Variants in PDHX observed in about 807,000 individuals in gnomAD.
PDHX encodes the protein pyruvate dehydrogenase protein X component, mitochondrial.
Under a neutral mutation model 55.3 loss-of-function variants are expected in PDHX, and 33 were observed. That is an observed-to-expected ratio of 0.60 (90% CI 0.45 to 0.80). The LOEUF is 0.80. PDHX is among the 30% of genes least tolerant of loss of function. PDHX has a pLI of 0.00. For synonymous variants in PDHX, 226 were observed against 219.4 expected (o/e 1.03, Z -0.27); for missense variants, 622 against 619.9 (o/e 1.00, Z -0.04).
chr11:34,967,326 AT>A (rs1478240932), intron 6 of PDHX, among the ~76,000 whole-genome samples: 1 of 152,206 alleles, frequency 6.6e-6, no homozygotes, highest in African/African-American at 2.4e-5. Context: ...AGAAACCAAA[AT>A]TTGTTTGTGT....
rs747470313 is a variant in PDHX at position 34,957,431 on chromosome 11, G to A, written c.390G>A (p.Leu130=). The change falls in exon 4 of 11, where the codon TTG becomes TTA. Residue 130 remains leucine (L), a synonymous_variant. Coordinates refer to ENST00000227868, the MANE Select transcript of PDHX (RefSeq NM_003477.3). The part of the protein sequence containing the change: ...KNIRLGSLIG[L]IVEEGEDWKH... ...TACGGCTAGGTTCACTAATTGGTTT[G>A]ATAGTAGAAGAAGGAGAAGATTGGA... is the stretch of plus-strand genomic sequence containing the variant. 6.2e-7 allele frequency: 1 copy of A among 1,613,396 alleles called. No individual in the cohort carries two copies. The highest frequency in any genetic ancestry group is 8.5e-7 in the Non-Finnish European group (1 of 1,179,400).
chr11:34,925,808 G>T (rs1335542544), intron 1 of PDHX, among the ~76,000 whole-genome samples: 1 of 152,212 alleles, frequency 6.6e-6, no homozygotes, highest in Non-Finnish European at 1.5e-5. Flanking sequence ...ATGATGCTCA[G>T]AGGTGATGCT....
intron 2 of PDHX, among the ~76,000 whole-genome samples, chr11:34,934,794 G>A (rs2956123): frequency 0.6 from 90,164 of 151,438 alleles, 28,037 homozygotes; most frequent in East Asian, 0.74. Flanking sequence ...GCCCACGCTG[G>A]TTTTGAACTC....
At chr11:34,958,296 A>T (rs1222301537) in intron 4 of PDHX, among the ~76,000 whole-genome samples, 3 of 151,126 alleles carry the variant, frequency 2.0e-5, no homozygotes, top group Non-Finnish European at 4.4e-5. Context: ...TGCTTTTTTT[A>T]GGGGGGGGCG....
intron 10 of PDHX, 100 bp downstream of exon 10, chr11:34,992,479 A>T: frequency 1.4e-6 from 1 of 693,890 alleles, no homozygotes; most frequent in East Asian, 2.8e-5. Context: ...ATTTTTTAAA[A>T]TTTAAGCTAA....
intron 9 of PDHX, among the ~76,000 whole-genome samples, chr11:34,987,516 T>A (rs1855672128): frequency 6.6e-6 from 1 of 152,154 alleles, no homozygotes; most frequent in Admixed American, 6.5e-5. Context: ...TGTGTGTATG[T>A]GTAAGAGAGA....
rs560512553 is a variant in PDHX at position 34,925,437 on chromosome 11, C to A, written c.161-5967C>A. ...GATTATTACGTATCTATTTACTTTT[C>A]TGCTTCCAAAATTGTATGCTGTTAT... is the stretch of plus-strand genomic sequence containing the variant. On this transcript the variant is annotated intron_variant, in intron 1 of 10. Transcript: ENST00000227868. Among the ~76,000 whole-genome samples, 3 of 152,292 alleles carry A rather than the reference C, an allele frequency of 2.0e-5. No individual in the cohort carries two copies. In the East Asian group the frequency reaches 5.8e-4, roughly 29 times the overall value.
At chr11:34,989,349 A>G (rs898257554) in intron 9 of PDHX, among the ~76,000 whole-genome samples, 4 of 152,120 alleles carry the variant, frequency 2.6e-5, no homozygotes, top group African/African-American at 9.7e-5. Context: ...TCCCCTGCAG[A>G]TAAGGGGGGA....
chr11:34,930,466 T>G (rs1357832181), intron 1 of PDHX, among the ~76,000 whole-genome samples: 1 of 152,234 alleles, frequency 6.6e-6, no homozygotes, highest in Non-Finnish European at 1.5e-5. Flanking sequence ...AGAAGCCCTG[T>G]TCTTCCACAT....
intron 6 of PDHX, among the ~76,000 whole-genome samples, chr11:34,967,343 C>T (rs1482265377): frequency 6.6e-6 from 1 of 152,168 alleles, no homozygotes; most frequent in Non-Finnish European, 1.5e-5. Context: ...TGTGTGTTAA[C>T]TTCCAAATAA....
intron 9 of PDHX, among the ~76,000 whole-genome samples, chr11:34,985,260 G>A (rs1055972200): frequency 5.3e-5 from 8 of 152,188 alleles, no homozygotes; most frequent in African/African-American, 1.9e-4. Context: ...GGCCAACGTG[G>A]TGTAACCCCA....
At chr11:34,917,106 C>T (rs1010934374) in intron 1 of PDHX, among the ~76,000 whole-genome samples, 7 of 152,264 alleles carry the variant, frequency 4.6e-5, no homozygotes, top group Admixed American at 1.3e-4. Context: ...CCCAAACTCT[C>T]CTCCCTCAGC....
chr11:34,991,081 A>C (rs966363024), intron 9 of PDHX, among the ~76,000 whole-genome samples: 1 of 152,122 alleles, frequency 6.6e-6, no homozygotes, highest in East Asian at 1.9e-4. Flanking sequence ...AAAAATTAAC[A>C]GAAATGTGGT....
Position 34,995,259 on chromosome 11 carries a change from T to C in PDHX, c.*87T>C. ...TATGTTATAGGAAAACAACTTGGTA[T>C]TTAAGTATGAAGTGGATGAAATGTT... On this transcript the variant is annotated 3_prime_UTR_variant, in exon 11 of 11. Coordinates refer to ENST00000227868, the MANE Select transcript of PDHX (RefSeq NM_003477.3). 7.1e-7 allele frequency: 1 copy of C among 1,406,944 alleles called. No individual in the cohort carries two copies. Among genetic ancestry groups the C allele is most frequent in the East Asian group, 2.3e-5 (1 of 43,832 alleles). 87.2% of individuals were successfully genotyped at this position (1,406,944 alleles called of 1,614,324 possible).
upstream of PDHX, chr11:34,916,006 C>T (rs1853672860): frequency 1.6e-6 from 1 of 609,442 alleles, no homozygotes; most frequent in Non-Finnish European, 2.8e-6. Context: ...GCCCAGCTCC[C>T]GCCATCGGAG....
chr11:34,989,005 A>G (rs1466346781), intron 9 of PDHX, among the ~76,000 whole-genome samples: 1 of 152,238 alleles, frequency 6.6e-6, no homozygotes. Flanking sequence ...GCAGGGATAC[A>G]TTCTGAGAAA....
intron 1 of PDHX, among the ~76,000 whole-genome samples, chr11:34,923,510 C>G (rs1853946642): frequency 6.6e-6 from 1 of 152,042 alleles, no homozygotes; most frequent in South Asian, 2.1e-4. Context: ...CTGTAAATAC[C>G]ACCTAGTCTA....
intron 9 of PDHX, among the ~76,000 whole-genome samples, chr11:34,988,603 CAGAA>C (rs980400103): frequency 1.3e-5 from 2 of 149,162 alleles, no homozygotes; most frequent in African/African-American, 4.9e-5. Context: ...CCTGGATTTT[CAGAA>C]ATTAACAAGA....
intron 1 of PDHX, among the ~76,000 whole-genome samples, chr11:34,926,730 T>C (rs1331211798): frequency 6.7e-6 from 1 of 149,650 alleles, no homozygotes; most frequent in Non-Finnish European, 1.5e-5. Flanking sequence ...TTTAAAGCTT[T>C]GATATAATTG....
Sources: allele counts gnomAD v4.1 joint callset (sites outside exome capture counted in the v4.1 genomes callset), GRCh38; gene constraint gnomAD v4.1.1; transcripts MANE v1.5; gene names NCBI Gene and HGNC (gene_info 2026-07-23, HGNC 2026-07-21).